Variants in ABL2 observed in about 807,000 individuals in gnomAD.
ABL2 encodes tyrosine-protein kinase ABL2.
ABL2 carries 49 observed loss-of-function variants against 107.7 expected under a neutral mutation model. The ratio of observed to expected loss-of-function variants is 0.45; its 90% confidence interval spans 0.36 to 0.58. The LOEUF is 0.58. ABL2 is among the 20% of genes least tolerant of loss of function. The pLI, the probability that ABL2 is intolerant of heterozygous loss-of-function variation, is 0.00. For synonymous variants in ABL2, 549 were observed against 548.6 expected (o/e 1.00, Z -0.01); for missense variants, 1,245 against 1,457.0 (o/e 0.85, Z 2.37).
chr1:179,131,295 T>C lies in ABL2; in HGVS notation c.391+16A>G, dbSNP rs762709448. The C allele has an allele frequency of 1.1e-5, 17 of 1,609,146 alleles. No individual in the cohort carries two copies. Among genetic ancestry groups the C allele is most frequent in the South Asian group, 2.2e-5 (2 of 90,918 alleles). Reference sequence around the variant, plus strand: ...TGAAAACTGAAAAGTGAAAGGATGCTACATAGAAGCCTCACCTTTAGTGAT... The same window carrying C: ...TGAAAACTGAAAAGTGAAAGGATGCCACATAGAAGCCTCACCTTTAGTGAT... On this transcript the variant is annotated intron_variant, in intron 3 of 11. Coordinates refer to ENST00000502732, the MANE Select transcript of ABL2 (RefSeq NM_007314.4).
intron 1 of ABL2, among the ~76,000 whole-genome samples, chr1:179,149,692 A>G (rs1658244846): frequency 6.6e-6 from 1 of 152,242 alleles, no homozygotes; most frequent in Non-Finnish European, 1.5e-5. Context: ...CTTATGCTCT[A>G]TAAATGGAAC....
intron 1 of ABL2, among the ~76,000 whole-genome samples, chr1:179,138,386 A>G (rs139956306): frequency 7.2e-5 from 11 of 152,318 alleles, no homozygotes; most frequent in African/African-American, 2.4e-4. Context: ...AGCACGAGCC[A>G]CCGCGCCCAG....
intron 1 of ABL2, among the ~76,000 whole-genome samples, chr1:179,195,303 C>CA (rs1423389310): frequency 3.3e-5 from 5 of 151,784 alleles, no homozygotes; most frequent in South Asian, 2.1e-4. Flanking sequence ...AAACAAAAAA[C>CA]AAAAAAACAG....
intron 1 of ABL2, among the ~76,000 whole-genome samples, chr1:179,227,779 G>T (rs532329398): frequency 6.6e-6 from 1 of 152,140 alleles, no homozygotes; most frequent in Non-Finnish European, 1.5e-5. Flanking sequence ...GTGGCCAGGC[G>T]CAGTGCCTCA....
At chr1:179,136,035 G>A (rs1656917155) in intron 1 of ABL2, among the ~76,000 whole-genome samples, 1 of 149,456 alleles carries the variant, frequency 6.7e-6, no homozygotes, top group South Asian at 2.1e-4. Flanking sequence ...CCCCTACTGG[G>A]AAGTGAGGAG....
intron 1 of ABL2, among the ~76,000 whole-genome samples, chr1:179,227,175 A>G (rs1364348989): frequency 1.3e-5 from 2 of 152,176 alleles, no homozygotes; most frequent in African/African-American, 2.4e-5. Context: ...TCTTAATTAG[A>G]ATCATAAAAT....
chr1:179,191,413 C>CTTTTTTTTTT (rs35362624), intron 1 of ABL2, among the ~76,000 whole-genome samples: 6 of 77,170 alleles, frequency 7.8e-5, no homozygotes, highest in Admixed American at 1.9e-4. Context: ...TATGAAATCC[C>CTTTTTTTTTT]TTTTTTTTTT....
Position 179,156,173 on chromosome 1 carries a change from TTATGAAGAGG to T in ABL2, c.158-22809_158-22800del, listed in dbSNP as rs1485659656. On this transcript the variant is annotated intron_variant, in intron 1 of 11. Transcript: ENST00000502732. Reference sequence around the variant, plus strand: ...ACCTGCGGAGCTAGTTCTCCAATATTTATGAAGAGGTATGTCTATATGTATATACACTCCC... The same window carrying T: ...ACCTGCGGAGCTAGTTCTCCAATATTTATGTCTATATGTATATACACTCCC... Among the ~76,000 whole-genome samples, 21 of 152,330 alleles carry T rather than the reference TTATGAAGAGG, an allele frequency of 1.4e-4. 1 individual carries two copies. The South Asian group carries it at 4.1e-3, about 30-fold the overall frequency.
chr1:179,207,264 G>A (rs1571319206), intron 1 of ABL2, among the ~76,000 whole-genome samples: 1 of 151,754 alleles, frequency 6.6e-6, no homozygotes, highest in East Asian at 1.9e-4. Flanking sequence ...CTTTGTGAGG[G>A]AGGAAAGAAA....
At chr1:179,124,054 T>A (rs969382330) in intron 4 of ABL2, among the ~76,000 whole-genome samples, 2 of 151,794 alleles carry the variant, frequency 1.3e-5, no homozygotes, top group South Asian at 4.2e-4. Flanking sequence ...ATCCTGGCTA[T>A]CATGGTGAAA....
At chr1:179,205,489 G>C (rs1237279816) in intron 1 of ABL2, among the ~76,000 whole-genome samples, 1 of 152,158 alleles carries the variant, frequency 6.6e-6, no homozygotes, top group Non-Finnish European at 1.5e-5. Flanking sequence ...GTTTCCACTA[G>C]TACTTGACTC....
intron 10 of ABL2, among the ~76,000 whole-genome samples, chr1:179,111,639 T>A (rs887513230): frequency 6.6e-6 from 1 of 152,196 alleles, no homozygotes; most frequent in African/African-American, 2.4e-5. Flanking sequence ...TATCTCAGTG[T>A]GGTTTTATTT....
At chr1:179,222,475 C>T (rs972138469) in intron 1 of ABL2, among the ~76,000 whole-genome samples, 3 of 152,090 alleles carry the variant, frequency 2.0e-5, no homozygotes, top group Non-Finnish European at 4.4e-5. Context: ...ACTGCAACCT[C>T]TGCCTCCCAG....
intron 1 of ABL2, among the ~76,000 whole-genome samples, chr1:179,165,151 A>T (rs1414675262): frequency 1.3e-5 from 2 of 152,202 alleles, no homozygotes; most frequent in Non-Finnish European, 2.9e-5. Context: ...GTGACACAGC[A>T]TGTAAAAGTT....
chr1:179,170,695 A>G (rs762601369), intron 1 of ABL2, among the ~76,000 whole-genome samples: 3 of 152,218 alleles, frequency 2.0e-5, no homozygotes, highest in Non-Finnish European at 2.9e-5. Context: ...CCAGGGTTCA[A>G]GCAATTCTCC....
chr1:179,218,822 C>G (rs1166769518), intron 1 of ABL2, among the ~76,000 whole-genome samples: 1 of 152,216 alleles, frequency 6.6e-6, no homozygotes, highest in African/African-American at 2.4e-5. Context: ...AGCCCTAAAT[C>G]AGAAACCCTG....
At chr1:179,218,569 G>T (rs890873920) in intron 1 of ABL2, among the ~76,000 whole-genome samples, 25 of 152,006 alleles carry the variant, frequency 1.6e-4, no homozygotes, top group African/African-American at 5.3e-4. Flanking sequence ...GCTAATTTTT[G>T]TATCTTTAGT....
In ABL2 at chr1:179,117,440, T is replaced by A. The variant is rs2102613290; in HGVS notation, c.1300A>T (p.Met434Leu). 1 of 1,614,170 alleles carries A rather than the reference T, an allele frequency of 6.2e-7. No homozygotes were observed. The highest frequency in any genetic ancestry group is 8.5e-7 in the Non-Finnish European group (1 of 1,180,028). The change falls in exon 8 of 12, where the codon ATG becomes TTG. Residue 434 changes from methionine (M) to leucine (L), a missense_variant. Met to Leu is a conservative substitution (Grantham distance 15). Around this residue, in one of 3 missense-constraint regions of ABL2, gnomAD observed 320 missense variants for 547.0 expected, o/e 0.59. Transcript: ENST00000502732. Reference protein sequence around the residue: ...KVADFGLSRLMTGDTYTAHAG... With the variant: ...KVADFGLSRLLTGDTYTAHAG... ...TGAGCAGTATAAGTGTCTCCAGTCA[T>A]CAATCTACTTAAGCCAAAGTCAGCC...
chr1:179,155,734 TA>T (rs58943276), intron 1 of ABL2, among the ~76,000 whole-genome samples: 29,878 of 132,462 alleles, frequency 0.23, 3,910 homozygotes, highest in African/African-American at 0.4. Context: ...CCATCTCAAT[TA>T]AAAAAAAAAA....
Sources: allele counts gnomAD v4.1 joint callset (sites outside exome capture counted in the v4.1 genomes callset), GRCh38; gene constraint gnomAD v4.1.1; regional missense constraint gnomAD v4.1.1; transcripts MANE v1.5; gene names NCBI Gene and HGNC (gene_info 2026-07-23, HGNC 2026-07-21).